CNTNAP3: variants seen among roughly 807,000 people sequenced by gnomAD.
CNTNAP3 encodes the protein contactin associated protein family member 3.
Under a neutral mutation model 92.1 loss-of-function variants are expected in CNTNAP3, and 36 were observed. That is an observed-to-expected ratio of 0.39 (90% CI 0.30 to 0.52). The LOEUF (loss-of-function observed/expected upper bound fraction) is 0.52. Ranked by LOEUF, CNTNAP3 falls within the 20% of genes least tolerant of loss-of-function variation. The pLI is 0.76. For missense variants in CNTNAP3, 534 were observed against 1,069.6 expected (o/e 0.50, Z 6.98); for synonymous variants, 232 against 422.3 (o/e 0.55, Z 5.53).
chr9:39,112,263 TA>T (rs1289866245), intron 14 of CNTNAP3, among the ~76,000 whole-genome samples: 26 of 152,132 alleles, frequency 1.7e-4, no homozygotes, highest in African/African-American at 6.3e-4. Context: ...TAAAAGCTAC[TA>T]CTTATTATTT....
intron 1 of CNTNAP3, among the ~76,000 whole-genome samples, chr9:39,280,879 C>CA (rs1381648740): frequency 2.5e-4 from 4 of 15,742 alleles, no homozygotes; most frequent in African/African-American, 3.5e-4. Context: ...ACTCCTGGGT[C>CA]AAAGCAAAGG....
Position 39,149,891 on chromosome 9 carries a change from T to G in CNTNAP3, c.1564A>C (p.Lys522Gln). The change falls in exon 10 of 24, where the codon AAA becomes CAA. Residue 522 changes from lysine to glutamine, a missense_variant. Lys to Gln is a moderately conservative substitution (Grantham distance 53). Transcript: ENST00000297668. The part of the protein sequence containing the change: ...GCLRLITIGD[K>Q]AVDPILVQQG... Reference sequence around the variant, plus strand: ...TGTACTAAGATGGGATCCACCGCTTTGTCACCAATGGTGATGAGCCTTAGG... The same window carrying G: ...TGTACTAAGATGGGATCCACCGCTTGGTCACCAATGGTGATGAGCCTTAGG... The G allele has an allele frequency of 1.2e-6, 2 of 1,607,010 alleles. No homozygotes were observed. The highest frequency in any genetic ancestry group is 4.5e-5 in the East Asian group (2 of 44,844).
At position 39,085,820 on chromosome 9, in the gene CNTNAP3, T is replaced by G; in HGVS notation, c.3358A>C (p.Asn1120His). The G allele has an allele frequency of 6.4e-7, 1 of 1,557,710 alleles. No homozygotes were observed. The highest frequency in any genetic ancestry group is 8.8e-7 in the Non-Finnish European group (1 of 1,138,160). ...ATGACTTGTTTCTTTGTGCTCTGGT[T>G]AACCTATTAGATGTCCCATGAGAAG... ...REEAVVMVEV[N>H]QSTKKQVILS... The change falls in exon 21 of 24, where the codon AAC becomes CAC. Residue 1120 changes from asparagine (N) to histidine (H), a missense_variant. Transcript: ENST00000297668.
At chr9:39,113,795 GAAAT>G (rs1490780596) in intron 14 of CNTNAP3, among the ~76,000 whole-genome samples, 20 of 151,196 alleles carry the variant, frequency 1.3e-4, no homozygotes, top group South Asian at 6.3e-4. Flanking sequence ...ATTCTATAAA[GAAAT>G]AATTTTTCCT....
chr9:39,133,020 C>T lies in CNTNAP3; in HGVS notation c.1992G>A (p.Gly664=), dbSNP rs1328237033. The T allele has an allele frequency of 1.3e-6, 2 of 1,541,924 alleles. No homozygotes were observed. The highest frequency in any genetic ancestry group is 1.2e-5 in the South Asian group (1 of 84,726). Reference sequence around the variant, plus strand: ...CCAGGTTCACCGCGGACCGCAGCTGCCCCGCGCCCGCTGCGTACGCGAAGG... The same window carrying T: ...CCAGGTTCACCGCGGACCGCAGCTGTCCCGCGCCCGCTGCGTACGCGAAGG... The part of the protein sequence containing the change: ...AVSFAYAAGA[G]QLRSAVNLAE... The change falls in exon 13 of 24, where the codon GGG becomes GGA. Residue 664 remains glycine, a synonymous_variant. Transcript: ENST00000297668.
intron 18 of CNTNAP3, among the ~76,000 whole-genome samples, chr9:39,094,215 TTTG>T (rs1455122006): frequency 1.3e-5 from 2 of 151,580 alleles, no homozygotes; most frequent in African/African-American, 2.4e-5. Flanking sequence ...AATTAGACTT[TTTG>T]TTGTTAAGTT....
At chr9:39,117,958 T>A in intron 14 of CNTNAP3, 145 bp downstream of exon 14, 7 of 1,462,076 alleles carry the variant, frequency 4.8e-6, no homozygotes, top group Non-Finnish European at 6.5e-6. Flanking sequence ...GATTAACTGA[T>A]CATATTTCAT....
intron 13 of CNTNAP3, among the ~76,000 whole-genome samples, chr9:39,121,966 T>C (rs976890719): frequency 6.6e-6 from 1 of 152,114 alleles, no homozygotes; most frequent in Non-Finnish European, 1.5e-5. Flanking sequence ...CCTTCTTTTC[T>C]TACCCAAGGG....
At position 39,068,906 on chromosome 9, in the gene CNTNAP3, G is replaced by A. The variant is rs539626837; in HGVS notation, c.*4984C>T. Among the ~76,000 whole-genome samples the A allele has an allele frequency of 1.1e-3, 165 of 152,362 alleles. No individual in the cohort carries two copies. Among genetic ancestry groups the A allele is most frequent in the African/African-American group, 3.8e-3 (157 of 41,552 alleles). ...AACCATAGTTTCATATATTTTGTCT[G>A]GTTTGAGGTTGTTTCATGCAGGAGG... On this transcript the variant is annotated 3_prime_UTR_variant, in exon 24 of 24. Coordinates refer to ENST00000297668, the MANE Select transcript of CNTNAP3 (RefSeq NM_033655.5).
intron 9 of CNTNAP3, among the ~76,000 whole-genome samples, chr9:39,150,953 G>A (rs1821829246): frequency 6.8e-6 from 1 of 146,688 alleles, no homozygotes; most frequent in Non-Finnish European, 1.5e-5. Flanking sequence ...GGAAAGTAGT[G>A]TCTTGAACTT....
At chr9:39,121,118 C>G (rs878994621) in intron 13 of CNTNAP3, among the ~76,000 whole-genome samples, 1 of 150,494 alleles carries the variant, frequency 6.6e-6, no homozygotes, top group African/African-American at 2.5e-5. Flanking sequence ...AAAAGTTAGA[C>G]GTTGGCAGAA....
chr9:39,117,668 C>A (rs1820891210), intron 14 of CNTNAP3, among the ~76,000 whole-genome samples: 1 of 152,118 alleles, frequency 6.6e-6, no homozygotes, highest in Non-Finnish European at 1.5e-5. Context: ...TATGCAGGAC[C>A]TCTCAGAGTT....
intron 13 of CNTNAP3, among the ~76,000 whole-genome samples, chr9:39,127,654 T>G (rs998731624): frequency 1.2e-4 from 18 of 152,026 alleles, no homozygotes; most frequent in African/African-American, 3.6e-4. Context: ...ACAAATCAAC[T>G]TGACAATTCA....
In CNTNAP3 at chr9:39,069,017, T is replaced by TACAC. The variant is rs1290329341; in HGVS notation, c.*4869_*4872dup. Among the ~76,000 whole-genome samples, 6 of 129,138 alleles carry TACAC rather than the reference T, an allele frequency of 4.6e-5. No individual in the cohort carries two copies. The highest frequency in any genetic ancestry group is 2.5e-4 in the East Asian group (1 of 3,970). The allele number at this position is 129,138 out of a possible 152,430, so 84.7% of individuals were successfully genotyped here. On this transcript the variant is annotated 3_prime_UTR_variant, in exon 24 of 24. Transcript: ENST00000297668. The stretch of plus-strand genomic sequence containing the variant: ...AAATATATGTAAGTATAAACACACA[T>TACAC]ACACATATATATATGTATGTATATA...
At chr9:39,084,855 A>C (rs2118412852) in intron 21 of CNTNAP3, 1 of 151,682 alleles carries the variant, frequency 6.6e-6, no homozygotes, top group Admixed American at 6.6e-5. Context: ...TAATTTTCTA[A>C]GATCAATTGC....
chr9:39,132,882 G>C (rs1161061204), intron 13 of CNTNAP3, 50 bp downstream of exon 13: 1 of 1,501,596 alleles, frequency 6.7e-7, no homozygotes, highest in East Asian at 2.6e-5. Flanking sequence ...CAGCCCGAGG[G>C]CCGCGCCCCG....
In CNTNAP3 at chr9:39,102,483, C is replaced by T. The variant is rs1826487146; in HGVS notation, c.2755+14G>A. ...GACTCACACTAAATTCAGTTATAAA[C>T]CACCAGCACTCACCAATGAAGAGCT... On this transcript the variant is annotated intron_variant, in intron 17 of 23. Transcript: ENST00000297668. 1 of 1,502,424 alleles carries T rather than the reference C, an allele frequency of 6.7e-7. No homozygotes were observed. Among genetic ancestry groups the T allele is most frequent in the South Asian group, 1.2e-5 (1 of 82,582 alleles). 93.1% of individuals were successfully genotyped at this position (1,502,424 alleles called of 1,614,324 possible).
intron 23 of CNTNAP3, among the ~76,000 whole-genome samples, chr9:39,074,300 A>G (rs1426600398): frequency 6.6e-6 from 1 of 151,528 alleles, no homozygotes; most frequent in Non-Finnish European, 1.5e-5. Flanking sequence ...AATTGTTGGG[A>G]TTACAGGTGT....
At chr9:39,160,000 ACTT>A (rs1378478573) in intron 9 of CNTNAP3, 5 of 125,984 alleles carry the variant, frequency 4.0e-5, no homozygotes, top group African/African-American at 1.3e-4. Flanking sequence ...GCAGAATTCA[ACTT>A]CTTGTAGTTG....
Sources: gnomAD v4.1 joint callset for allele counts (sites outside exome capture counted in the v4.1 genomes callset) on GRCh38, gnomAD v4.1.1 for gene constraint, MANE v1.5 for transcripts, NCBI Gene and HGNC (gene_info 2026-07-23, HGNC 2026-07-21) for gene names.